The following SPTLC3 variants were observed in gnomAD, a reference collection of about 807,000 sequenced individuals.
SPTLC3 encodes serine palmitoyltransferase 3.
A neutral mutation model predicts 59.3 loss-of-function variants in SPTLC3; 36 were observed. The ratio of observed to expected loss-of-function variants is 0.61; its 90% CI spans 0.47 to 0.80. SPTLC3 has a LOEUF of 0.80. Ranked by LOEUF, SPTLC3 falls within the 30% of genes least tolerant of loss-of-function variation. The probability of loss-of-function intolerance (pLI) is 0.00; values close to 1 mark genes in which losing one functional copy is unlikely to be tolerated. For missense variants in SPTLC3, 625 were observed against 685.1 expected, an observed-to-expected ratio of 0.91 and a Z score of 0.98; for synonymous variants, 257 against 240.8, an observed-to-expected ratio of 1.07 and a Z score of -0.62.
chr20:13,137,507 G>A (rs924715968), intron 9 of SPTLC3, among the ~76,000 whole-genome samples: 6 of 152,036 alleles, frequency 3.9e-5, no homozygotes, highest in Admixed American at 1.3e-4. Context: ...GCTATATAGT[G>A]TTATATTTTA....
chr20:13,009,038 A>G lies in SPTLC3; in HGVS notation c.-230A>G. On this transcript the variant is annotated 5_prime_UTR_variant, in exon 1 of 12. Transcript: ENST00000399002. ...TTCGGAAGCAGGTTTGTTGCCATGG[A>G]GTTCACATTTTGACGGGAGTTGAGA... The G allele has an allele frequency of 2.4e-6, 1 of 424,610 alleles. No individual in the cohort carries two copies. Among genetic ancestry groups the G allele is most frequent in the Non-Finnish European group, 4.2e-6 (1 of 236,452 alleles). 26.3% of individuals were successfully genotyped at this position (424,610 alleles called of 1,614,324 possible).
At position 13,160,003 on chromosome 20, in the gene SPTLC3, G is replaced by A; in HGVS notation, c.1416G>A (p.Ala472=). The A allele has an allele frequency of 6.3e-7, 1 of 1,597,870 alleles. No homozygotes were observed. ...TTTTCTTTTTTTGCTTTTCCTTAAG[G>A]GCTTTTGCAAGGCATATGCTAGAGA... is the stretch of plus-strand genomic sequence containing the variant. ...PLLLYMPGKV[A]AFARHMLEKK... is the part of the protein sequence containing the mutation. The change falls in exon 11 of 12, where the codon GCG becomes GCA. Residue 472 remains alanine, a splice_region_variant and synonymous_variant. Transcript: ENST00000399002.
chr20:13,149,783 C>A (rs936071006), intron 9 of SPTLC3, among the ~76,000 whole-genome samples: 1 of 152,176 alleles, frequency 6.6e-6, no homozygotes, highest in Non-Finnish European at 1.5e-5. Context: ...AGCTGATGAT[C>A]CAGTTTCTTG....
At chr20:13,051,679 A>G (rs1987498117) in intron 2 of SPTLC3, among the ~76,000 whole-genome samples, 1 of 152,216 alleles carries the variant, frequency 6.6e-6, no homozygotes, top group Non-Finnish European at 1.5e-5. Flanking sequence ...GATAGACCAT[A>G]TGACAGGCCA....
At chr20:13,064,458 G>A (rs1486920478) in intron 2 of SPTLC3, among the ~76,000 whole-genome samples, 3 of 152,070 alleles carry the variant, frequency 2.0e-5, no homozygotes, top group Non-Finnish European at 4.4e-5. Flanking sequence ...ACCGCGCCCG[G>A]CTAATTTTTG....
intron 6 of SPTLC3, among the ~76,000 whole-genome samples, chr20:13,105,762 A>G (rs1281086205): frequency 1.3e-5 from 2 of 152,338 alleles, no homozygotes; most frequent in East Asian, 3.9e-4. Context: ...CAAGTCCCAA[A>G]GGGAAAACAT....
chr20:13,120,133 A>G lies in SPTLC3; in HGVS notation c.1152+2408A>G, dbSNP rs1990820577. 2.0e-5 allele frequency among the ~76,000 whole-genome samples: 3 copies of G among 152,226 alleles called. No homozygotes were observed. In the South Asian group the frequency reaches 6.2e-4, roughly 32 times the overall value. ...TTTAAATTAGGATTCGGCAAATACT[A>G]AAGATTTTTGTTTGAAAAAACTACT... On this transcript the variant is annotated intron_variant, in intron 8 of 11. Coordinates refer to ENST00000399002, the MANE Select transcript of SPTLC3 (RefSeq NM_018327.4).
intron 8 of SPTLC3, among the ~76,000 whole-genome samples, chr20:13,120,254 A>G (rs1222839561): frequency 6.6e-6 from 1 of 152,162 alleles, no homozygotes; most frequent in Admixed American, 6.5e-5. Flanking sequence ...GTTGATAGAC[A>G]GATGAATAAT....
chr20:13,090,908 C>T (rs1368639298), intron 4 of SPTLC3, among the ~76,000 whole-genome samples, 175 bp from the exon 5 acceptor site: 2 of 152,080 alleles, frequency 1.3e-5, no homozygotes, highest in Non-Finnish European at 2.9e-5. Context: ...TGTATTTTTC[C>T]ATTCTACAAT....
At chr20:13,117,380 A>G in intron 7 of SPTLC3, 126 bp from the exon 8 acceptor site, 1 of 884,858 alleles carries the variant, frequency 1.1e-6, no homozygotes, top group Non-Finnish European at 1.6e-6. Flanking sequence ...GCCAAATAAA[A>G]CATGCCTTCA....
At chr20:13,105,619 A>G (rs1989847425) in intron 6 of SPTLC3, among the ~76,000 whole-genome samples, 1 of 152,168 alleles carries the variant, frequency 6.6e-6, no homozygotes, top group Non-Finnish European at 1.5e-5. Context: ...CTGAATTTAC[A>G]TATTTTTTCC....
Position 13,072,420 on chromosome 20 carries a change from CT to C in SPTLC3, c.458+12del, listed in dbSNP as rs1365107024. 1 of 1,567,316 alleles carries C rather than the reference CT, an allele frequency of 6.4e-7. No homozygotes were observed. Among genetic ancestry groups the C allele is most frequent in the African/African-American group, 1.4e-5 (1 of 72,294 alleles). ...ATAACTGGACGTTTAGGTGAGAGAA[CT>C]TCTTGGAGGGGATTGGTGAAAAGAA... On this transcript the variant is annotated intron_variant, in intron 3 of 11. Coordinates refer to ENST00000399002, the MANE Select transcript of SPTLC3 (RefSeq NM_018327.4).
chr20:13,021,093 T>G (rs893950733), intron 1 of SPTLC3, among the ~76,000 whole-genome samples: 1 of 152,190 alleles, frequency 6.6e-6, no homozygotes, highest in Non-Finnish European at 1.5e-5. Context: ...TCATTTTACT[T>G]GACCTGTCTG....
At chr20:13,137,364 T>C (rs2038271846) in intron 9 of SPTLC3, among the ~76,000 whole-genome samples, 1 of 152,198 alleles carries the variant, frequency 6.6e-6, no homozygotes, top group South Asian at 2.1e-4. Context: ...TTTCAGCTAA[T>C]GGGATGCTCC....
In SPTLC3 at chr20:13,126,668, AATC is replaced by A. The variant is rs1321633259; in HGVS notation, c.1235_1237del (p.Ile412del). The A allele has an allele frequency of 6.2e-7, 1 of 1,613,976 alleles. No individual in the cohort carries two copies. The highest frequency in any genetic ancestry group is 8.5e-7 in the Non-Finnish European group (1 of 1,179,972). ...CCATGAGCCCACCGATAGCAGAGCAAATCATCAGATCACTAAAACTTATCATGG... is the reference window on the plus strand; with the variant it reads ...CCATGAGCCCACCGATAGCAGAGCAAATCAGATCACTAAAACTTATCATGG... On this transcript the variant is annotated inframe_deletion, in exon 9 of 12. Coordinates refer to ENST00000399002, the MANE Select transcript of SPTLC3 (RefSeq NM_018327.4).
intron 2 of SPTLC3, among the ~76,000 whole-genome samples, chr20:13,054,855 A>G (rs1473393587): frequency 1.3e-5 from 2 of 152,324 alleles, no homozygotes; most frequent in Non-Finnish European, 2.9e-5. Context: ...TTCCAGGGTA[A>G]GTTCATGGAG....
intron 3 of SPTLC3, among the ~76,000 whole-genome samples, chr20:13,072,965 A>G (rs1988501461): frequency 6.6e-6 from 1 of 152,266 alleles, no homozygotes; most frequent in African/African-American, 2.4e-5. Flanking sequence ...TTTGGAGTAC[A>G]TGTAATAATT....
At chr20:13,081,784 C>T (rs1435240667) in intron 4 of SPTLC3, among the ~76,000 whole-genome samples, 2 of 152,102 alleles carry the variant, frequency 1.3e-5, no homozygotes, top group African/African-American at 4.8e-5. Flanking sequence ...CCTCTCAAAC[C>T]AAATTATTAT....
intron 7 of SPTLC3, among the ~76,000 whole-genome samples, chr20:13,115,860 A>G (rs955217657): frequency 6.6e-6 from 1 of 152,172 alleles, no homozygotes; most frequent in Non-Finnish European, 1.5e-5. Flanking sequence ...TCCTGTTTGT[A>G]TTGCATATGA....
Sources: gnomAD v4.1 joint callset for allele counts (sites outside exome capture counted in the v4.1 genomes callset) on GRCh38, gnomAD v4.1.1 for gene constraint, MANE v1.5 for transcripts, NCBI Gene and HGNC (gene_info 2026-07-23, HGNC 2026-07-21) for gene names.